BAHCC1: variants seen among roughly 807,000 people sequenced by gnomAD.
BAHCC1 encodes the protein BAH and coiled-coil domain-containing protein 1.
A neutral mutation model predicts 88.2 loss-of-function variants in BAHCC1; 43 were observed. The observed-to-expected ratio is 0.49, with a 90% CI of 0.38 to 0.63. The LOEUF (loss-of-function observed/expected upper bound fraction) is 0.63. BAHCC1 is among the 20% of genes least tolerant of loss of function. BAHCC1 has a pLI of 0.00. For missense variants in BAHCC1, 3,023 were observed against 1,654.8 expected, an observed-to-expected ratio of 1.83 and a Z score of -14.34; for synonymous variants, 1,510 against 745.5, an observed-to-expected ratio of 2.03 and a Z score of -16.71.
intron 14 of BAHCC1, among the ~76,000 whole-genome samples, chr17:81,454,173 C>G (rs779873804): frequency 6.6e-6 from 1 of 152,230 alleles, no homozygotes; most frequent in Non-Finnish European, 1.5e-5. Context: ...CTTGGCTTCT[C>G]CATGTGAAAT....
At chr17:81,443,983 G>C (rs1031126412) in intron 6 of BAHCC1, 66 bp downstream of exon 6, 5 of 690,932 alleles carry the variant, frequency 7.2e-6, no homozygotes, top group Non-Finnish European at 1.3e-5. Flanking sequence ...CCCACTCAGA[G>C]CCACGTGGAG....
At chr17:81,412,975 C>T (rs1042740494) in intron 2 of BAHCC1, 25 of 280,400 alleles carry the variant, frequency 8.9e-5, no homozygotes, top group Middle Eastern at 8.6e-4. Flanking sequence ...AAGCTCGGTG[C>T]GGGTGCGGCC....
intron 11 of BAHCC1, among the ~76,000 whole-genome samples, chr17:81,448,062 G>A (rs2064567336): frequency 1.3e-5 from 2 of 152,214 alleles, no homozygotes; most frequent in South Asian, 4.1e-4. Context: ...CGTCCCAGGT[G>A]GGGCCCTGGG....
chr17:81,428,259 C>T (rs1598474607), intron 3 of BAHCC1, among the ~76,000 whole-genome samples: 3 of 152,204 alleles, frequency 2.0e-5, no homozygotes, highest in Admixed American at 2.0e-4. Flanking sequence ...GGCTCATATG[C>T]CCCACCCCGC....
chr17:81,407,321 C>G (rs373358302), intron 2 of BAHCC1: 6 of 519,748 alleles, frequency 1.2e-5, no homozygotes, highest in Non-Finnish European at 2.3e-5. Flanking sequence ...AAAAGAGAAG[C>G]CTTAGCCATA....
At chr17:81,408,778 CT>C (rs2143243167) in intron 2 of BAHCC1, among the ~76,000 whole-genome samples, 1 of 152,332 alleles carries the variant, frequency 6.6e-6, no homozygotes, top group East Asian at 1.9e-4. Flanking sequence ...GCCCCCCTGG[CT>C]GGCTTGTTTG....
Position 81,434,757 on chromosome 17 carries a change from G to C in BAHCC1, c.359-3613G>C, listed in dbSNP as rs1555651473. Among the ~76,000 whole-genome samples the C allele has an allele frequency of 1.3e-5, 2 of 152,094 alleles. No individual in the cohort carries two copies. The highest frequency in any genetic ancestry group is 4.8e-5 in the African/African-American group (2 of 41,390). ...GGAAGGGCAGCCTGGGGGGTGGGTT[G>C]TGGCCACCTCCCCAGATCTGGCAAG... On this transcript the variant is annotated intron_variant, in intron 3 of 27. Coordinates refer to ENST00000675386, the MANE Select transcript of BAHCC1 (RefSeq NM_001377448.1). This position sits in a 1 kb window ranked among gnomAD's most constrained non-coding sequence, Gnocchi z 4.9.
At position 81,411,411 on chromosome 17, in the gene BAHCC1, A is replaced by C. The variant is rs550897489; in HGVS notation, c.178+11494A>C. 1.6e-4 allele frequency: 56 copies of C among 341,444 alleles called. No individual in the cohort carries two copies. In the East Asian group the frequency reaches 4.8e-3, roughly 29 times the overall value. 21.2% of individuals were successfully genotyped at this position (341,444 alleles called of 1,614,324 possible). A position where few individuals can be genotyped will look rare whatever the true frequency, so the allele number is the denominator to read the frequency against. On this transcript the variant is annotated intron_variant, in intron 2 of 27. Transcript: ENST00000675386. This position sits in a 1 kb window ranked among gnomAD's most constrained non-coding sequence, Gnocchi z 6.2. ...CTGGCTCCATCCTCCACTGCATTCA[A>C]ATTGATCAGGGAGGGTGGGGTTGGG... is the stretch of plus-strand genomic sequence containing the variant.
At chr17:81,419,134 C>G (rs1442569317) in intron 2 of BAHCC1, among the ~76,000 whole-genome samples, 1 of 152,174 alleles carries the variant, frequency 6.6e-6, no homozygotes, top group Non-Finnish European at 1.5e-5. Context: ...TGTCTCCCAG[C>G]CACATCTGCA....
chr17:81,425,767 G>A (rs144285633), intron 2 of BAHCC1, among the ~76,000 whole-genome samples: 98 of 109,904 alleles, frequency 8.9e-4, no homozygotes, highest in African/African-American at 3.7e-3. Flanking sequence ...GGTTGGTGGT[G>A]ATGTGGTTGG....
In BAHCC1 at chr17:81,461,014, G is replaced by C. The variant is rs1555659079; in HGVS notation, c.6351G>C (p.Gly2117=). ...TGGCAGCGGCCAGCAAGGGGCCGGG[G>C]GTGCTGCAGAACCTCTTCCAGCTCA... ...KAVAAASKGP[G]VLQNLFQLNG... The change falls in exon 26 of 28, where the codon GGG becomes GGC. Residue 2117 remains glycine, a synonymous_variant. Transcript: ENST00000675386. The C allele has an allele frequency of 1.3e-6, 1 of 773,324 alleles. No individual in the cohort carries two copies. 47.9% of individuals were successfully genotyped at this position (773,324 alleles called of 1,614,324 possible).
chr17:81,408,546 G>T (rs572379265), intron 2 of BAHCC1, among the ~76,000 whole-genome samples: 4 of 152,228 alleles, frequency 2.6e-5, no homozygotes, highest in Admixed American at 2.0e-4. Context: ...CTGCCACCCT[G>T]GAGTTCTGAT....
At position 81,458,963 on chromosome 17, in the gene BAHCC1, G is replaced by A. The variant is rs781977057; in HGVS notation, c.5599G>A (p.Ala1867Thr). The change falls in exon 20 of 28, where the codon GCC (alanine) becomes ACC (threonine). Residue 1867 changes from alanine (A) to threonine (T), a missense_variant. By Grantham distance (58) the Ala-to-Thr change is moderately conservative. Transcript: ENST00000675386. ...SGPLSAEQSA[A>T]LARSCAIHKE... is the part of the protein sequence containing the mutation. ...CCCTCTGAGCGCAGAGCAGAGCGCCGCCCTAGGTGAGCAGGGCCAGGAAGG... is the reference window on the plus strand; with the variant it reads ...CCCTCTGAGCGCAGAGCAGAGCGCCACCCTAGGTGAGCAGGGCCAGGAAGG... The A allele has an allele frequency of 1.9e-5, 14 of 735,350 alleles. No homozygotes were observed. Among genetic ancestry groups the A allele is most frequent in the South Asian group, 5.7e-5 (4 of 69,598 alleles). The allele number at this position is 735,350 out of a possible 1,614,324, so 45.6% of individuals were successfully genotyped here.
In BAHCC1 at chr17:81,399,578, C is replaced by T. The variant is rs1460056469; in HGVS notation, c.-162C>T. Reference sequence around the variant, plus strand: ...GCCGCTGGCTCGGTGCGCGGCCGCCCGCCGAGAAGCCCAGTCCTCCCGCGT... The same window carrying T: ...GCCGCTGGCTCGGTGCGCGGCCGCCTGCCGAGAAGCCCAGTCCTCCCGCGT... On this transcript the variant is annotated 5_prime_UTR_variant, in exon 2 of 28. Coordinates refer to ENST00000675386, the MANE Select transcript of BAHCC1 (RefSeq NM_001377448.1). This position sits in a 1 kb window ranked among gnomAD's most constrained non-coding sequence, Gnocchi z 4.5. 1.8e-5 allele frequency: 8 copies of T among 450,368 alleles called. No homozygotes were observed. Among genetic ancestry groups the T allele is most frequent in the Non-Finnish European group, 3.1e-5 (8 of 255,462 alleles). 27.9% of individuals were successfully genotyped at this position (450,368 alleles called of 1,614,324 possible). A position where few individuals can be genotyped will look rare whatever the true frequency, so the allele number is the denominator to read the frequency against.
rs782267112 is a variant in BAHCC1 at position 81,456,493 on chromosome 17, G to C, written c.4766G>C (p.Gly1589Ala). ...LSRAKSAKVS[G>A]ATRHPQPKGH... ...CGAGCCAAGAGTGCCAAGGTGTCTG[G>C]GGCCACACGGCACCCACAGCCCAAG... Residue 1589 changes from glycine to alanine, a missense_variant, in exon 16 of 28, where the codon GGG (glycine) becomes GCG (alanine). Physicochemically the swap from Gly to Ala is moderately conservative, Grantham distance 60. Transcript: ENST00000675386. 1.9e-5 allele frequency: 14 copies of C among 719,196 alleles called. No individual in the cohort carries two copies. In the Middle Eastern group the frequency reaches 6.9e-4, roughly 35 times the overall value. The allele number at this position is 719,196 out of a possible 1,614,324, so 44.6% of individuals were successfully genotyped here. A position where few individuals can be genotyped will look rare whatever the true frequency, so the allele number is the denominator to read the frequency against.
At chr17:81,404,080 A>G (rs2063851018) in intron 2 of BAHCC1, among the ~76,000 whole-genome samples, 1 of 152,216 alleles carries the variant, frequency 6.6e-6, no homozygotes, top group Non-Finnish European at 1.5e-5. Context: ...GGTTATTCTT[A>G]GAAATCTTCT....
chr17:81,447,688 C>A lies in BAHCC1; in HGVS notation c.3816C>A (p.Asp1272Glu). The change falls in exon 11 of 28, where the codon GAC (aspartate) becomes GAA (glutamate). Residue 1272 changes from aspartate to glutamate, a missense_variant. Coordinates refer to ENST00000675386, the MANE Select transcript of BAHCC1 (RefSeq NM_001377448.1). ...ALVAATINLGDLPSDSPPDPQ... is the reference protein window; with the variant it reads ...ALVAATINLGELPSDSPPDPQ... ...TGGCCGCCACCATCAACCTGGGGGA[C>A]CTGCCCAGCGACAGCCCACCGGACC... 1 of 737,074 alleles carries A rather than the reference C, an allele frequency of 1.4e-6. No homozygotes were observed. Among genetic ancestry groups the A allele is most frequent in the East Asian group, 2.6e-5 (1 of 38,606 alleles). The allele number at this position is 737,074 out of a possible 1,614,324, so 45.7% of individuals were successfully genotyped here.
chr17:81,461,849 A>T lies in BAHCC1; in HGVS notation c.7186A>T (p.Thr2396Ser), dbSNP rs782472262. The T allele has an allele frequency of 2.3e-4, 164 of 720,672 alleles. 1 individual carries two copies. The South Asian group carries it at 2.4e-3, about 10-fold the overall frequency. The allele number at this position is 720,672 out of a possible 1,614,324, so 44.6% of individuals were successfully genotyped here. The change falls in exon 26 of 28, where the codon ACG (threonine) becomes TCG (serine). Residue 2396 changes from threonine to serine, a missense_variant. Coordinates refer to ENST00000675386, the MANE Select transcript of BAHCC1 (RefSeq NM_001377448.1). ...HAQRCFLSRATVAGTGAGSGP... is the reference protein window; with the variant it reads ...HAQRCFLSRASVAGTGAGSGP... ...CCAGCGCTGCTTCCTGTCCAGGGCC[A>T]CGGTGGCTGGCACCGGTGCGGGCTC... is the stretch of plus-strand genomic sequence containing the variant.
rs200849322 is a variant in BAHCC1, at chr17:81,441,994, C to T, written c.645C>T (p.Phe215=). The change falls in exon 5 of 28, where the codon TTC becomes TTT. Residue 215 remains phenylalanine, a synonymous_variant. Transcript: ENST00000675386. ...AGSLQKGPKD[F]DRFLVGKELG... is the part of the protein sequence containing the mutation. ...CCCTGCAGAAGGGCCCCAAGGACTT[C>T]GACCGCTTCCTCGTGGGCAAAGAGC... 112 of 744,888 alleles carry T rather than the reference C, an allele frequency of 1.5e-4. No homozygotes were observed. Among genetic ancestry groups the T allele is most frequent in the East Asian group, 6.5e-4 (26 of 39,780 alleles). 46.1% of individuals were successfully genotyped at this position (744,888 alleles called of 1,614,324 possible).
Sources: allele counts gnomAD v4.1 joint callset (sites outside exome capture counted in the v4.1 genomes callset), GRCh38; gene constraint gnomAD v4.1.1; non-coding constraint Gnocchi (gnomAD v3.1); transcripts MANE v1.5; gene names NCBI Gene and HGNC (gene_info 2026-07-23, HGNC 2026-07-21).